The following JAKMIP2 variants were observed in gnomAD, a reference collection of about 807,000 sequenced individuals.
JAKMIP2 encodes janus kinase and microtubule-interacting protein 2.
Under a neutral mutation model 115.0 loss-of-function variants are expected in JAKMIP2, and 25 were observed. That is an observed-to-expected ratio of 0.22 (90% CI 0.16 to 0.30). JAKMIP2 has a LOEUF of 0.30. Ranked by LOEUF, JAKMIP2 falls within the 10% of genes least tolerant of loss-of-function variation. JAKMIP2 has a pLI of 1.00. For missense variants in JAKMIP2, 642 were observed against 957.6 expected, an observed-to-expected ratio of 0.67 and a Z score of 4.35; for synonymous variants, 334 against 343.6, an observed-to-expected ratio of 0.97 and a Z score of 0.31.
At position 147,695,256 on chromosome 5, in the gene JAKMIP2, A is replaced by G. The variant is rs182127800; in HGVS notation, c.-148-23302T>C. ...TACACGCTTAAATAAAGAAAAGCCTATTTAGTAGTTGAGAGGCTAAAAAAG... is the reference window on the plus strand; with the variant it reads ...TACACGCTTAAATAAAGAAAAGCCTGTTTAGTAGTTGAGAGGCTAAAAAAG... On this transcript the variant is annotated intron_variant, in intron 1 of 21. Coordinates refer to ENST00000616793, the MANE Select transcript of JAKMIP2 (RefSeq NM_001270941.2). 2.8e-3 allele frequency among the ~76,000 whole-genome samples: 432 copies of G among 152,320 alleles called. 3 individuals carry two copies. The highest frequency in any genetic ancestry group is 9.9e-3 in the African/African-American group (411 of 41,564).
At chr5:147,596,859 T>A (rs1230010505) in intron 21 of JAKMIP2, among the ~76,000 whole-genome samples, 2 of 152,014 alleles carry the variant, frequency 1.3e-5, no homozygotes, top group African/African-American at 4.8e-5. Flanking sequence ...GGAGTAAAAT[T>A]TTCCTACTAA....
chr5:147,738,941 C>T (rs1401022729), intron 1 of JAKMIP2, among the ~76,000 whole-genome samples: 1 of 152,064 alleles, frequency 6.6e-6, no homozygotes, highest in Non-Finnish European at 1.5e-5. Flanking sequence ...GTTTCATAAC[C>T]CTTGGGCTCT....
At chr5:147,606,305 T>A (rs553357609) in intron 20 of JAKMIP2, among the ~76,000 whole-genome samples, 5 of 152,366 alleles carry the variant, frequency 3.3e-5, no homozygotes, top group Admixed American at 3.3e-4. Flanking sequence ...CTAAGGTTTT[T>A]ATGGTTTTAG....
chr5:147,781,968 T>G (rs1755775240), intron 1 of JAKMIP2, among the ~76,000 whole-genome samples: 1 of 152,122 alleles, frequency 6.6e-6, no homozygotes, highest in African/African-American at 2.4e-5. Context: ...GAATATAAAA[T>G]AAAATGTCAA....
At chr5:147,781,631 A>C (rs1376609585) in intron 1 of JAKMIP2, among the ~76,000 whole-genome samples, 2 of 152,234 alleles carry the variant, frequency 1.3e-5, no homozygotes, top group Non-Finnish European at 2.9e-5. Context: ...CATCTGTTCC[A>C]ATCGGTCACA....
chr5:147,765,165 C>G (rs1291099971), intron 1 of JAKMIP2, among the ~76,000 whole-genome samples: 1 of 151,548 alleles, frequency 6.6e-6, no homozygotes, highest in Non-Finnish European at 1.5e-5. Context: ...TGAGCATGTA[C>G]TGAATAAATA....
At chr5:147,743,311 G>T (rs919379841) in intron 1 of JAKMIP2, among the ~76,000 whole-genome samples, 14 of 152,142 alleles carry the variant, frequency 9.2e-5, no homozygotes, top group Non-Finnish European at 1.8e-4. Context: ...TTTGTAGAAG[G>T]CTGGTTAACC....
intron 20 of JAKMIP2, among the ~76,000 whole-genome samples, chr5:147,611,734 C>T (rs1260842217): frequency 6.6e-6 from 1 of 152,270 alleles, no homozygotes; most frequent in Admixed American, 6.5e-5. Flanking sequence ...TGTCTGTTCT[C>T]CCACCCCACA....
Position 147,766,644 on chromosome 5 carries a change from C to G in JAKMIP2, c.-149+15812G>C, listed in dbSNP as rs111493112. Among the ~76,000 whole-genome samples the G allele has an allele frequency of 7.6e-3, 1,154 of 152,222 alleles. 17 individuals carry two copies. Among genetic ancestry groups the G allele is most frequent in the African/African-American group, 0.026 (1,066 of 41,546 alleles). ...CTCTGTTTATGAGATATTCTTCTGACTCCATATACAACAGCAGTACATGCC... is the reference window on the plus strand; with the variant it reads ...CTCTGTTTATGAGATATTCTTCTGAGTCCATATACAACAGCAGTACATGCC... On this transcript the variant is annotated intron_variant, in intron 1 of 21. Transcript: ENST00000616793.
intron 17 of JAKMIP2, among the ~76,000 whole-genome samples, chr5:147,622,021 C>A (rs1318114676): frequency 6.6e-6 from 1 of 152,152 alleles, no homozygotes; most frequent in Non-Finnish European, 1.5e-5. Flanking sequence ...GCATGTGCCA[C>A]CGCGCCCGGC....
intron 18 of JAKMIP2, among the ~76,000 whole-genome samples, 166 bp from the exon 19 acceptor site, chr5:147,618,280 A>G (rs1218140895): frequency 6.6e-6 from 1 of 152,142 alleles, no homozygotes; most frequent in East Asian, 1.9e-4. Flanking sequence ...ACTTCTGAAA[A>G]TCTCCTTTTA....
At chr5:147,712,286 G>T (rs1173638367) in intron 1 of JAKMIP2, among the ~76,000 whole-genome samples, 3 of 152,156 alleles carry the variant, frequency 2.0e-5, no homozygotes, top group African/African-American at 7.2e-5. Context: ...GAGTTCGTCA[G>T]CCCAGGGAAA....
At chr5:147,653,037 T>G (rs986953634) in intron 3 of JAKMIP2, among the ~76,000 whole-genome samples, 1 of 152,206 alleles carries the variant, frequency 6.6e-6, no homozygotes, top group Non-Finnish European at 1.5e-5. Context: ...GGACATGAAC[T>G]CATTCTTTTT....
rs1335707279 is a variant in JAKMIP2 at position 147,623,702 on chromosome 5, C to A, written c.1996-13G>T. On this transcript the variant is annotated splice_polypyrimidine_tract_variant and intron_variant, in intron 16 of 21. Coordinates refer to ENST00000616793, the MANE Select transcript of JAKMIP2 (RefSeq NM_001270941.2). ...TCTGCTGGATCCACTAAGGGGTTAA[C>A]AAGACAAAAGTGTTTGACATGGCTG... is the stretch of plus-strand genomic sequence containing the variant. 1.3e-6 allele frequency: 2 copies of A among 1,597,666 alleles called. No individual in the cohort carries two copies. The highest frequency in any genetic ancestry group is 1.3e-5 in the African/African-American group (1 of 74,556).
chr5:147,683,317 C>T (rs1366238826), intron 1 of JAKMIP2, among the ~76,000 whole-genome samples: 1 of 152,114 alleles, frequency 6.6e-6, no homozygotes, highest in Non-Finnish European at 1.5e-5. Context: ...CATAGTGAAA[C>T]CCCATCTGTA....
At chr5:147,606,499 G>C (rs1304340480) in intron 20 of JAKMIP2, among the ~76,000 whole-genome samples, 1 of 152,108 alleles carries the variant, frequency 6.6e-6, no homozygotes, top group Admixed American at 6.6e-5. Flanking sequence ...TTGTAGATGT[G>C]TGGTGTTATT....
intron 1 of JAKMIP2, among the ~76,000 whole-genome samples, chr5:147,714,051 A>G (rs1265116196): frequency 1.3e-5 from 2 of 152,196 alleles, no homozygotes; most frequent in African/African-American, 4.8e-5. Context: ...AACTTCTACT[A>G]GCAATAATTG....
chr5:147,726,904 A>C (rs2126958653), intron 1 of JAKMIP2, among the ~76,000 whole-genome samples: 1 of 152,334 alleles, frequency 6.6e-6, no homozygotes, highest in Admixed American at 6.5e-5. Context: ...AGCAGTTAAA[A>C]GCCTTTGCAA....
chr5:147,682,043 A>AAAAAAAAAAAG (rs1400173610), intron 1 of JAKMIP2, among the ~76,000 whole-genome samples: 2 of 148,164 alleles, frequency 1.3e-5, no homozygotes, highest in Non-Finnish European at 3.0e-5. Flanking sequence ...CTGTTTCAAA[A>AAAAAAAAAAAG]AAAAAAAAAA....
Sources: gnomAD v4.1 joint callset for allele counts (sites outside exome capture counted in the v4.1 genomes callset) on GRCh38, gnomAD v4.1.1 for gene constraint, MANE v1.5 for transcripts, NCBI Gene and HGNC (gene_info 2026-07-23, HGNC 2026-07-21) for gene names.